Variants in DENND4C observed in about 807,000 individuals in gnomAD.
DENND4C encodes DENN domain-containing protein 4C.
In DENND4C, 108 loss-of-function variants were observed where a neutral mutation model predicts 203.0. That is an observed-to-expected ratio of 0.53 (90% CI 0.46 to 0.62). The LOEUF (loss-of-function observed/expected upper bound fraction) is 0.62, where lower values mean the gene tolerates loss of function less well. DENND4C is among the 20% of genes least tolerant of loss of function. DENND4C has a pLI of 0.00. For synonymous variants in DENND4C, 871 were observed against 792.4 expected (o/e 1.10, Z -1.67); for missense variants, 2,481 against 2,301.2 (o/e 1.08, Z -1.60).
chr9:19,267,349 T>G (rs1208147664), intron 1 of DENND4C, among the ~76,000 whole-genome samples: 4 of 152,222 alleles, frequency 2.6e-5, no homozygotes, highest in Admixed American at 2.0e-4. Context: ...ACACCCTTAT[T>G]ATATAATGAC....
At chr9:19,288,573 T>C in intron 3 of DENND4C, 23 bp from the exon 4 acceptor site, 1 of 1,225,044 alleles carries the variant, frequency 8.2e-7, no homozygotes, top group Non-Finnish European at 1.0e-6. Flanking sequence ...GTCTTTTTTA[T>C]AAACCTAATT....
rs1828945049 is a variant in DENND4C, at chr9:19,372,057, G to A, written c.5761G>A (p.Gly1921Arg). The part of the protein sequence containing the change: ...IDIEAFDNEY[G>R]IAYNSLSSEI... ...TTCAGAGGCATTTGACAATGAATAT[G>A]GAATTGCATACAATAGTCTGTCTTC... The change falls in exon 33 of 33, where the codon GGA (glycine) becomes AGA (arginine). Residue 1921 changes from glycine to arginine, a missense_variant. Transcript: ENST00000434457. 6.2e-7 allele frequency: 1 copy of A among 1,607,906 alleles called. No homozygotes were observed. Among genetic ancestry groups the A allele is most frequent in the African/African-American group, 1.3e-5 (1 of 74,616 alleles).
At chr9:19,275,670 C>T (rs151005197) in intron 1 of DENND4C, among the ~76,000 whole-genome samples, 6 of 151,898 alleles carry the variant, frequency 4.0e-5, no homozygotes, top group African/African-American at 1.2e-4. Flanking sequence ...GGGGTTTTGC[C>T]GTGGTGGCTA....
At position 19,340,998 on chromosome 9, in the gene DENND4C, A is replaced by C. The variant is rs1821498389; in HGVS notation, c.2888A>C (p.Gln963Pro). 1 of 1,601,082 alleles carries C rather than the reference A, an allele frequency of 6.2e-7. No individual in the cohort carries two copies. The highest frequency in any genetic ancestry group is 1.1e-5 in the South Asian group (1 of 87,912). ...SIDNHSSTGGQSDQGYGSKDE... is the reference protein window; with the variant it reads ...SIDNHSSTGGPSDQGYGSKDE... ...TCTGCATTCTTTTTAACAGGTGGTC[A>C]GTCTGACCAAGGATACGGGTCTAAG... is the stretch of plus-strand genomic sequence containing the variant. Residue 963 changes from glutamine to proline, a missense_variant, in exon 21 of 33, where the codon CAG (glutamine) becomes CCG (proline). By Grantham distance (76) the Gln-to-Pro change is moderately conservative. Around this residue, in one of 3 missense-constraint regions of DENND4C, gnomAD observed 2,289 missense variants for 2,113.3 expected, o/e 1.08. Coordinates refer to ENST00000434457, the MANE Select transcript of DENND4C (RefSeq NM_001330640.2).
chr9:19,265,293 A>G (rs1830261523), intron 1 of DENND4C, among the ~76,000 whole-genome samples: 1 of 152,138 alleles, frequency 6.6e-6, no homozygotes, highest in Admixed American at 6.6e-5. Context: ...CTGGGATTAC[A>G]GGTGTAAGCC....
rs552385876 is a variant in DENND4C, at chr9:19,332,114, T to G, written c.2390T>G (p.Val797Gly). 10 of 1,614,068 alleles carry G rather than the reference T, an allele frequency of 6.2e-6. No individual in the cohort carries two copies. In the East Asian group the frequency reaches 2.2e-4, roughly 36 times the overall value. ...PAYVRVSHPK[V>G]RALQQAYDVL... is the part of the protein sequence containing the mutation. The stretch of plus-strand genomic sequence containing the variant: ...TATGTTAGAGTTTCTCATCCTAAAG[T>G]CAGAGCACTTCAGCAGGCATATGAT... The change falls in exon 17 of 33, where the codon GTC becomes GGC. Residue 797 changes from valine (V) to glycine (G), a missense_variant. This residue lies in a region of DENND4C where 2,289 missense variants were observed against 2,113.3 expected (regional missense o/e 1.08). Transcript: ENST00000434457.
At chr9:19,290,916 G>A in intron 5 of DENND4C, 40 bp downstream of exon 5, 1 of 1,564,944 alleles carries the variant, frequency 6.4e-7, no homozygotes, top group East Asian at 2.3e-5. Context: ...TTTTGTCCAT[G>A]TTTTTATTTC....
chr9:19,336,640 A>T (rs1820536931), intron 19 of DENND4C, 46 bp from the exon 20 acceptor site: 2 of 1,523,332 alleles, frequency 1.3e-6, no homozygotes, highest in African/African-American at 1.4e-5. Context: ...AGTTTAAGAG[A>T]TTATCAATGC....
At chr9:19,279,883 G>T (rs1415439023) in intron 2 of DENND4C, among the ~76,000 whole-genome samples, 1 of 142,360 alleles carries the variant, frequency 7.0e-6, no homozygotes, top group Non-Finnish European at 1.5e-5. Flanking sequence ...AGAAACAATG[G>T]TTTAAAATAC....
rs1276048972 is a variant in DENND4C at position 19,361,859 on chromosome 9, C to T, written c.5420C>T (p.Ser1807Phe). The change falls in exon 30 of 33, where the codon TCT (serine) becomes TTT (phenylalanine). Residue 1807 changes from serine (S) to phenylalanine (F), a missense_variant. Coordinates refer to ENST00000434457, the MANE Select transcript of DENND4C (RefSeq NM_001330640.2). ...GATTTCTTTTAGCTTCCTCTGTCAT[C>T]TCTGTCCCAGGATAGCAAACTTGTG... ...CNEGVQLPLSSLSQDSKLVYI... is the reference protein window; with the variant it reads ...CNEGVQLPLSFLSQDSKLVYI... The T allele has an allele frequency of 1.9e-6, 3 of 1,601,922 alleles. No individual in the cohort carries two copies. Among genetic ancestry groups the T allele is most frequent in the Admixed American group, 1.7e-5 (1 of 59,902 alleles).
intron 1 of DENND4C, among the ~76,000 whole-genome samples, chr9:19,254,912 A>T (rs1827556466): frequency 7.0e-6 from 1 of 143,320 alleles, no homozygotes; most frequent in Non-Finnish European, 1.6e-5. Flanking sequence ...CGTGTAGATC[A>T]TCTTGAGGTC....
chr9:19,355,895 T>A (rs1825289652), intron 26 of DENND4C, among the ~76,000 whole-genome samples: 1 of 152,194 alleles, frequency 6.6e-6, no homozygotes, highest in African/African-American at 2.4e-5. Context: ...TTTTCAGATC[T>A]TCTTTTATGT....
intron 1 of DENND4C, among the ~76,000 whole-genome samples, chr9:19,237,609 G>A (rs529171103): frequency 1.3e-5 from 2 of 151,916 alleles, no homozygotes; most frequent in Admixed American, 6.6e-5. Flanking sequence ...CGCCCGCCTC[G>A]ACCTCCCAAA....
chr9:19,278,529 G>A (rs777374493), intron 2 of DENND4C, among the ~76,000 whole-genome samples: 2 of 152,110 alleles, frequency 1.3e-5, no homozygotes, highest in Non-Finnish European at 2.9e-5. Flanking sequence ...GAGCTCTGGC[G>A]AAATTGTTAT....
In DENND4C at chr9:19,286,758, C is replaced by T. The variant is rs2131097416; in HGVS notation, c.306-11C>T. On this transcript the variant is annotated splice_polypyrimidine_tract_variant and intron_variant, in intron 2 of 32. Transcript: ENST00000434457. ...TATCTATATCTATTTCTTCCCCTTC[C>T]TGCCATGCAGAGTTCTATATGAAGG... is the stretch of plus-strand genomic sequence containing the variant. 8.1e-7 allele frequency: 1 copy of T among 1,231,924 alleles called. No individual in the cohort carries two copies. Among genetic ancestry groups the T allele is most frequent in the East Asian group, 3.2e-5 (1 of 31,690 alleles). 76.3% of individuals were successfully genotyped at this position (1,231,924 alleles called of 1,614,324 possible).
chr9:19,262,786 C>G (rs1295679318), intron 1 of DENND4C, among the ~76,000 whole-genome samples: 2 of 152,136 alleles, frequency 1.3e-5, no homozygotes, highest in African/African-American at 4.8e-5. Flanking sequence ...CCAGGCTGGT[C>G]TCAAACTCCT....
chr9:19,316,510 G>C lies in DENND4C; in HGVS notation c.1581G>C (p.Leu527=). 1 of 1,612,470 alleles carries C rather than the reference G, an allele frequency of 6.2e-7. No homozygotes were observed. The highest frequency in any genetic ancestry group is 8.5e-7 in the Non-Finnish European group (1 of 1,179,470). Reference sequence around the variant, plus strand: ...CCTTAAAGAAATTGTATCCCCAGCTGTCTTCAGGTAATGTGAGGGAAAAGG... The same window carrying C: ...CCTTAAAGAAATTGTATCCCCAGCTCTCTTCAGGTAATGTGAGGGAAAAGG... The part of the protein sequence containing the change: ...LSTLKKLYPQ[L]SSVHQKTQEG... The change falls in exon 11 of 33, where the codon CTG becomes CTC. Residue 527 remains leucine (L), a synonymous_variant. Transcript: ENST00000434457.
chr9:19,331,366 C>T (rs1237017538), intron 16 of DENND4C, among the ~76,000 whole-genome samples: 1 of 151,996 alleles, frequency 6.6e-6, no homozygotes, highest in East Asian at 1.9e-4. Context: ...CCATGCGCGG[C>T]TAATTTTTGT....
intron 2 of DENND4C, among the ~76,000 whole-genome samples, chr9:19,285,692 T>C (rs1439017109): frequency 6.6e-6 from 1 of 152,118 alleles, no homozygotes; most frequent in Non-Finnish European, 1.5e-5. Context: ...CAAAGAGTGC[T>C]ATAGTTCTTA....
Sources: allele counts gnomAD v4.1 joint callset (sites outside exome capture counted in the v4.1 genomes callset), GRCh38; gene constraint gnomAD v4.1.1; regional missense constraint gnomAD v4.1.1; transcripts MANE v1.5; gene names NCBI Gene and HGNC (gene_info 2026-07-23, HGNC 2026-07-21).